NMNAT2: variants seen among roughly 807,000 people sequenced by gnomAD.
The protein encoded by NMNAT2 is nicotinamide/nicotinic acid mononucleotide adenylyltransferase 2.
In NMNAT2, 11 loss-of-function variants were observed where a neutral mutation model predicts 41.6. The observed-to-expected ratio is 0.26, with a 90% CI of 0.17 to 0.44. NMNAT2 has a LOEUF of 0.44. NMNAT2 is among the 20% of genes least tolerant of loss of function. NMNAT2 has a pLI of 1.00. For missense variants in NMNAT2, 288 were observed against 407.7 expected, an observed-to-expected ratio of 0.71 and a Z score of 2.53; for synonymous variants, 148 against 151.2, an observed-to-expected ratio of 0.98 and a Z score of 0.16.
At chr1:183,279,553 G>A (rs1239017335) in intron 7 of NMNAT2, among the ~76,000 whole-genome samples, 15 of 152,196 alleles carry the variant, frequency 9.9e-5, no homozygotes, top group Admixed American at 9.8e-4. Context: ...AGGCCCTGGG[G>A]CCCTGAGGCC....
intron 10 of NMNAT2, among the ~76,000 whole-genome samples, chr1:183,257,888 T>C (rs1444414578): frequency 6.6e-6 from 1 of 152,182 alleles, no homozygotes; most frequent in African/African-American, 2.4e-5. Context: ...TTCCTTCCTT[T>C]GGGTTTAGTT....
intron 10 of NMNAT2, among the ~76,000 whole-genome samples, chr1:183,255,649 T>TTG (rs199670330): frequency 0.037 from 5,508 of 147,940 alleles, 359 homozygotes; most frequent in African/African-American, 0.13. Context: ...CTTTGTTAAA[T>TTG]TTATTCCTAA....
chr1:183,276,680 G>C (rs1038514516), intron 8 of NMNAT2, among the ~76,000 whole-genome samples: 2 of 152,186 alleles, frequency 1.3e-5, no homozygotes, highest in Admixed American at 6.5e-5. Context: ...CCTCCAGGAC[G>C]GCCCAGGCCT....
intron 1 of NMNAT2, among the ~76,000 whole-genome samples, chr1:183,389,174 C>A (rs1423321366): frequency 6.6e-6 from 1 of 152,142 alleles, no homozygotes; most frequent in African/African-American, 2.4e-5. Context: ...TATCACCCCT[C>A]CAGCACTGCA....
chr1:183,402,609 C>T (rs982960069), intron 1 of NMNAT2, among the ~76,000 whole-genome samples: 3 of 152,114 alleles, frequency 2.0e-5, no homozygotes, highest in South Asian at 2.1e-4. Context: ...TTGACATGCT[C>T]AATAAATATT....
At chr1:183,283,086 T>C (rs1359918001) in intron 7 of NMNAT2, 2 of 152,072 alleles carry the variant, frequency 1.3e-5, no homozygotes, top group Non-Finnish European at 2.9e-5. Context: ...ATCTGCCGGG[T>C]CTGTGTGAAC....
intron 1 of NMNAT2, among the ~76,000 whole-genome samples, chr1:183,347,165 T>C (rs1203455803): frequency 6.6e-6 from 1 of 152,194 alleles, no homozygotes; most frequent in Non-Finnish European, 1.5e-5. Flanking sequence ...ATAATGATAG[T>C]ACCTCCCAGC....
At chr1:183,355,334 T>G (rs1258936475) in intron 1 of NMNAT2, among the ~76,000 whole-genome samples, 1 of 152,186 alleles carries the variant, frequency 6.6e-6, no homozygotes, top group Non-Finnish European at 1.5e-5. Context: ...GTTCTCCAAG[T>G]GTGTTTCCAG....
At chr1:183,358,002 A>G (rs1663233901) in intron 1 of NMNAT2, among the ~76,000 whole-genome samples, 1 of 152,246 alleles carries the variant, frequency 6.6e-6, no homozygotes, top group Admixed American at 6.5e-5. Flanking sequence ...CACAATAGCA[A>G]AGACATAGAA....
intron 1 of NMNAT2, among the ~76,000 whole-genome samples, chr1:183,393,035 A>G (rs1272093936): frequency 6.6e-6 from 1 of 152,208 alleles, no homozygotes; most frequent in Non-Finnish European, 1.5e-5. Flanking sequence ...GTCTTAACAT[A>G]GTAGGCACTC....
chr1:183,373,840 A>G (rs1043060470), intron 1 of NMNAT2, among the ~76,000 whole-genome samples: 1 of 151,930 alleles, frequency 6.6e-6, no homozygotes, highest in African/African-American at 2.4e-5. Context: ...CTGGTCTCAA[A>G]CTTGTGACCT....
intron 1 of NMNAT2, among the ~76,000 whole-genome samples, chr1:183,395,859 C>G (rs1648623770): frequency 6.6e-6 from 1 of 152,170 alleles, no homozygotes; most frequent in Non-Finnish European, 1.5e-5. Flanking sequence ...CTATTCTGAT[C>G]CTGTACCTTT....
intron 1 of NMNAT2, among the ~76,000 whole-genome samples, chr1:183,404,730 A>G (rs1648907173): frequency 6.6e-6 from 1 of 152,240 alleles, no homozygotes; most frequent in African/African-American, 2.4e-5. Context: ...GGCAATGCCA[A>G]TGCTGAATTG....
intron 1 of NMNAT2, among the ~76,000 whole-genome samples, chr1:183,325,357 C>T (rs1420825582): frequency 6.6e-6 from 1 of 152,236 alleles, no homozygotes; most frequent in Non-Finnish European, 1.5e-5. Flanking sequence ...TAATTGAATG[C>T]AAACATGGCC....
At position 183,249,607 on chromosome 1, in the gene NMNAT2, G is replaced by C. The variant is rs1660318282; in HGVS notation, c.*3034C>G. 1 of 151,486 alleles carries C rather than the reference G, an allele frequency of 6.6e-6. No homozygotes were observed. Among genetic ancestry groups the C allele is most frequent in the African/African-American group, 2.4e-5 (1 of 41,116 alleles). The allele number at this position is 151,486 out of a possible 1,614,324, so 9.4% of individuals were successfully genotyped here. The stretch of plus-strand genomic sequence containing the variant: ...AATCATCTTTCTGGTATTGACTGTG[G>C]CTGGGTCATGGTCACAATGTCCTGT... On this transcript the variant is annotated 3_prime_UTR_variant, in exon 11 of 11. Coordinates refer to ENST00000287713, the MANE Select transcript of NMNAT2 (RefSeq NM_015039.4).
At chr1:183,357,782 G>A (rs558418603) in intron 1 of NMNAT2, among the ~76,000 whole-genome samples, 1 of 151,976 alleles carries the variant, frequency 6.6e-6, no homozygotes, top group African/African-American at 2.4e-5. Flanking sequence ...TCATATGATT[G>A]TTGGCCGCGT....
chr1:183,266,741 A>G, intron 8 of NMNAT2: 1 of 218,136 alleles, frequency 4.6e-6, no homozygotes, highest in South Asian at 6.0e-5. Flanking sequence ...AGTTGCATTT[A>G]GAAAATTCAA....
intron 1 of NMNAT2, among the ~76,000 whole-genome samples, chr1:183,383,581 A>T (rs150043174): frequency 6.6e-6 from 1 of 152,340 alleles, no homozygotes; most frequent in East Asian, 1.9e-4. Context: ...TGTTAGATGC[A>T]GCCAGGCTAC....
intron 1 of NMNAT2, among the ~76,000 whole-genome samples, chr1:183,359,650 C>G (rs1663264789): frequency 1.3e-5 from 2 of 152,116 alleles, no homozygotes; most frequent in South Asian, 4.1e-4. Context: ...AAGGTGGAGA[C>G]AGCTCGGGTT....
Sources: allele counts gnomAD v4.1 joint callset (sites outside exome capture counted in the v4.1 genomes callset), GRCh38; gene constraint gnomAD v4.1.1; transcripts MANE v1.5; gene names NCBI Gene and HGNC (gene_info 2026-07-23, HGNC 2026-07-21).